Variants in PAN2 observed in about 807,000 individuals in gnomAD.
PAN2 encodes the protein poly(A) specific ribonuclease subunit PAN2.
In PAN2, 68 loss-of-function variants were observed where a neutral mutation model predicts 133.3. That is an observed-to-expected ratio of 0.51 (90% CI 0.42 to 0.62). PAN2 has a LOEUF of 0.62. PAN2 is among the 20% of genes least tolerant of loss of function. The probability of loss-of-function intolerance (pLI) is 0.00; values close to 1 mark genes in which losing one functional copy is unlikely to be tolerated. For synonymous variants in PAN2, 462 were observed against 544.6 expected (o/e 0.85, Z 2.11); for missense variants, 1,042 against 1,500.5 (o/e 0.69, Z 5.05).
intron 2 of PAN2, among the ~76,000 whole-genome samples, chr12:56,329,826 C>T (rs1396115810): frequency 6.6e-6 from 1 of 151,570 alleles, no homozygotes; most frequent in Admixed American, 6.6e-5. Flanking sequence ...CACCTGTAGT[C>T]CCAGCTACTC....
intron 2 of PAN2, 80 bp from the exon 3 acceptor site, chr12:56,328,721 G>A: frequency 8.7e-7 from 1 of 1,152,856 alleles, no homozygotes; most frequent in Non-Finnish European, 1.3e-6. Context: ...GACTGAACAT[G>A]GCTCAGCTTG....
At chr12:56,318,168 C>A (rs2135945566) in intron 25 of PAN2, 69 bp downstream of exon 25, 10 of 1,313,392 alleles carry the variant, frequency 7.6e-6, no homozygotes, top group Non-Finnish European at 1.1e-5. Context: ...CAGAGTGAGA[C>A]CCTGTCACAA....
At chr12:56,323,728 A>G in intron 14 of PAN2, 79 bp downstream of exon 14, 1 of 1,431,610 alleles carries the variant, frequency 7.0e-7, no homozygotes, top group Non-Finnish European at 9.8e-7. Context: ...CAGTGCTGAC[A>G]GAGCCAGCCC....
intron 2 of PAN2, among the ~76,000 whole-genome samples, chr12:56,330,787 C>T (rs1261333394): frequency 6.6e-6 from 1 of 151,582 alleles, no homozygotes; most frequent in Non-Finnish European, 1.5e-5. Flanking sequence ...CTGTGCCTGG[C>T]CTCATTGTAT....
intron 5 of PAN2, 51 bp downstream of exon 5, chr12:56,327,944 T>C (rs769638896): frequency 1.2e-6 from 2 of 1,611,776 alleles, no homozygotes; most frequent in Non-Finnish European, 1.7e-6. Context: ...CGCAATCAGG[T>C]ATCTAGTGAA....
At chr12:56,322,979 G>C in intron 17 of PAN2, 83 bp downstream of exon 17, 1 of 1,542,620 alleles carries the variant, frequency 6.5e-7, no homozygotes, top group Non-Finnish European at 8.9e-7. Flanking sequence ...CCTCTGCTAA[G>C]TTTCACCTTC....
At chr12:56,332,419 T>C (rs753887201) in intron 2 of PAN2, among the ~76,000 whole-genome samples, 4 of 151,886 alleles carry the variant, frequency 2.6e-5, no homozygotes, top group Admixed American at 1.3e-4. Context: ...CTGGGCAACA[T>C]AGTAAGACTA....
At position 56,326,718 on chromosome 12, in the gene PAN2, GTCCAGAGGAGGCA is replaced by G; in HGVS notation, c.1148_1160del (p.Leu383ProfsTer48). 6.2e-7 allele frequency: 1 copy of G among 1,614,098 alleles called. No homozygotes were observed. The highest frequency in any genetic ancestry group is 8.5e-7 in the Non-Finnish European group (1 of 1,180,008). On this transcript the variant is annotated frameshift_variant, in exon 7 of 26. Coordinates refer to ENST00000440411, the MANE Select transcript of PAN2 (RefSeq NM_014871.6). LOFTEE classifies it high-confidence loss of function. ...AAAGAGGCAGCAGGTCCTGGCTCCA[GTCCAGAGGAGGCA>G]GTGAGTCCACGAGACACGGCAAAGC...
chr12:56,317,968 G>A (rs1034566141), intron 25 of PAN2, among the ~76,000 whole-genome samples: 1 of 152,174 alleles, frequency 6.6e-6, no homozygotes, highest in Non-Finnish European at 1.5e-5. Flanking sequence ...CTTGAGCCCA[G>A]GAGTTTAAGA....
intron 18 of PAN2, 57 bp downstream of exon 18, chr12:56,322,558 T>C (rs1565633052): frequency 1.9e-6 from 3 of 1,609,520 alleles, no homozygotes; most frequent in Non-Finnish European, 1.7e-6. Flanking sequence ...CAAGGACAGA[T>C]CTGGGACTCA....
intron 7 of PAN2, 62 bp from the exon 8 acceptor site, chr12:56,326,471 T>A: frequency 6.6e-7 from 1 of 1,524,320 alleles, no homozygotes. Context: ...CACTCCCCAA[T>A]CCCCAAGGGT....
At chr12:56,318,495 C>T in intron 24 of PAN2, 61 bp from the exon 25 acceptor site, 1 of 1,292,576 alleles carries the variant, frequency 7.7e-7, no homozygotes, top group South Asian at 1.2e-5. Flanking sequence ...AACATGTCTC[C>T]CCACTCCTAC....
In PAN2 at chr12:56,323,057, ACAACCTGCATCT is replaced by A; in HGVS notation, c.2486_2493+4del. 6.2e-7 allele frequency: 1 copy of A among 1,613,628 alleles called. No individual in the cohort carries two copies. Among genetic ancestry groups the A allele is most frequent in the Non-Finnish European group, 8.5e-7 (1 of 1,179,976 alleles). ...TCCCTTTCCTCTTCCCGGTTTTTCA[ACAACCTGCATCT>A]CATCCCCATCAGTCCAATTGCAAAC... On this transcript the variant is annotated splice_donor_variant and splice_donor_region_variant and coding_sequence_variant and intron_variant, in exon 17 of 26. Coordinates refer to ENST00000440411, the MANE Select transcript of PAN2 (RefSeq NM_014871.6). LOFTEE classifies it high-confidence loss of function.
chr12:56,327,961 C>T (rs1207566793), intron 5 of PAN2, 34 bp downstream of exon 5: 3 of 1,613,278 alleles, frequency 1.9e-6, no homozygotes, highest in Non-Finnish European at 1.7e-6. Flanking sequence ...TGAAACAGGG[C>T]CCTGCAGTGG....
At chr12:56,332,784 CA>C in intron 2 of PAN2, 28 bp downstream of exon 2, 2 of 1,605,102 alleles carry the variant, frequency 1.2e-6, no homozygotes, top group Non-Finnish European at 1.7e-6. Context: ...CAACATCTTT[CA>C]ACCCTCACAA....
intron 20 of PAN2, among the ~76,000 whole-genome samples, chr12:56,320,405 A>G (rs957309791): frequency 2.0e-5 from 3 of 152,202 alleles, no homozygotes; most frequent in African/African-American, 7.2e-5. Context: ...TGGGAGGCCG[A>G]GGCGGGCGGA....
At chr12:56,327,888 C>G (rs1418062559) in intron 5 of PAN2, 107 bp downstream of exon 5, 1 of 1,538,078 alleles carries the variant, frequency 6.5e-7, no homozygotes, top group South Asian at 1.3e-5. Flanking sequence ...TCCACTCATC[C>G]CTCACCTCCA....
At position 56,328,489 on chromosome 12, in the gene PAN2, G is replaced by A; in HGVS notation, c.435C>T (p.Leu145=). Residue 145 remains leucine, a synonymous_variant, in exon 3 of 26, where the codon CTC becomes CTT. Transcript: ENST00000440411. ...CCACTTACAGGTAATCAAATATAATGAGGCCCCCACGGGCCATATACTTGA... is the reference window on the plus strand; with the variant it reads ...CCACTTACAGGTAATCAAATATAATAAGGCCCCCACGGGCCATATACTTGA... ...NNLKYMARGG[L]IIFDYLLDEN... 2.5e-6 allele frequency: 4 copies of A among 1,614,146 alleles called. No individual in the cohort carries two copies. Among genetic ancestry groups the A allele is most frequent in the Non-Finnish European group, 3.4e-6 (4 of 1,179,994 alleles).
Position 56,323,181 on chromosome 12 carries a change from G to C in PAN2, c.2374C>G (p.Leu792Val). ...WKELGSPEGV[L>V]VCPSIEELKN... ...AACTCCTCAATGGAGGGACACACCA[G>C]CACACCCTCTGGACTCCCTAGTTCC... Residue 792 changes from leucine (L) to valine (V), a missense_variant, in exon 17 of 26, where the codon CTG becomes GTG. By Grantham distance (32) the Leu-to-Val change is conservative. Transcript: ENST00000440411. 2 of 1,614,172 alleles carry C rather than the reference G, an allele frequency of 1.2e-6. No individual in the cohort carries two copies. Among genetic ancestry groups the C allele is most frequent in the Non-Finnish European group, 1.7e-6 (2 of 1,180,036 alleles).
Sources: gnomAD v4.1 joint callset for allele counts (sites outside exome capture counted in the v4.1 genomes callset) on GRCh38, gnomAD v4.1.1 for gene constraint, MANE v1.5 for transcripts, NCBI Gene and HGNC (gene_info 2026-07-23, HGNC 2026-07-21) for gene names.